MICU1: variants seen among roughly 807,000 people sequenced by gnomAD.
The protein encoded by MICU1 is mitochondrial calcium uptake 1, also known as calcium uptake protein 1, mitochondrial.
Under a neutral mutation model 56.8 loss-of-function variants are expected in MICU1, and 45 were observed. The observed-to-expected ratio is 0.79, with a 90% CI of 0.62 to 1.02. The LOEUF is 1.02. Ranked by LOEUF, MICU1 falls within the 50% of genes least tolerant of loss-of-function variation. The pLI, the probability that MICU1 is intolerant of heterozygous loss-of-function variation, is 0.00. For missense variants in MICU1, 504 were observed against 587.1 expected (o/e 0.86, Z 1.46); for synonymous variants, 186 against 195.1 (o/e 0.95, Z 0.39).
At chr10:72,529,072 A>C (rs552613884) in intron 5 of MICU1, among the ~76,000 whole-genome samples, 1 of 152,300 alleles carries the variant, frequency 6.6e-6, no homozygotes, top group Admixed American at 6.5e-5. Context: ...CTATACTTTT[A>C]TCTCTTTACA....
At chr10:72,446,895 T>C (rs1865122766) in intron 8 of MICU1, among the ~76,000 whole-genome samples, 1 of 152,208 alleles carries the variant, frequency 6.6e-6, no homozygotes, top group South Asian at 2.1e-4. Flanking sequence ...CACTTGCTTC[T>C]GTTAACTTTA....
chr10:72,370,962 T>C (rs1019367805), intron 11 of MICU1, among the ~76,000 whole-genome samples: 1 of 151,824 alleles, frequency 6.6e-6, no homozygotes, highest in Non-Finnish European at 1.5e-5. Context: ...ATCTGGGAGA[T>C]GGAGGTTGCA....
chr10:72,487,945 C>T (rs1866527809), intron 6 of MICU1, among the ~76,000 whole-genome samples: 1 of 152,070 alleles, frequency 6.6e-6, no homozygotes, highest in Admixed American at 6.5e-5. Flanking sequence ...ACCTGTAATC[C>T]TAGCACTTTG....
chr10:72,463,009 T>G (rs1865685094), intron 8 of MICU1, among the ~76,000 whole-genome samples: 1 of 151,990 alleles, frequency 6.6e-6, no homozygotes, highest in South Asian at 2.1e-4. Flanking sequence ...TCATTGACTT[T>G]GGAATTGCAA....
intron 1 of MICU1, among the ~76,000 whole-genome samples, chr10:72,581,416 G>A (rs1042593749): frequency 3.9e-5 from 6 of 152,170 alleles, no homozygotes; most frequent in South Asian, 2.1e-4. Context: ...ATCACTTGAG[G>A]TCAGAAGTTT....
At chr10:72,405,280 C>T (rs780856094) in intron 10 of MICU1, among the ~76,000 whole-genome samples, 2 of 151,780 alleles carry the variant, frequency 1.3e-5, no homozygotes, top group East Asian at 1.9e-4. Flanking sequence ...AGTGCAATGG[C>T]GCAATCTCGG....
At chr10:72,555,693 C>T (rs1194954277) in intron 3 of MICU1, among the ~76,000 whole-genome samples, 1 of 152,162 alleles carries the variant, frequency 6.6e-6, no homozygotes, top group Non-Finnish European at 1.5e-5. Context: ...AAAGGATTAC[C>T]TATCTTTTGA....
chr10:72,401,124 C>G (rs1280562018), intron 10 of MICU1, among the ~76,000 whole-genome samples: 1 of 152,024 alleles, frequency 6.6e-6, no homozygotes, highest in Non-Finnish European at 1.5e-5. Flanking sequence ...TTTAAACAAA[C>G]AGACGCTATT....
At chr10:72,596,563 C>A (rs1036096202) in intron 1 of MICU1, among the ~76,000 whole-genome samples, 1 of 151,924 alleles carries the variant, frequency 6.6e-6, no homozygotes, top group African/African-American at 2.4e-5. Flanking sequence ...AATAAGAATT[C>A]AAAAACAAAC....
intron 4 of MICU1, among the ~76,000 whole-genome samples, chr10:72,542,556 A>G (rs1349372965): frequency 6.6e-6 from 1 of 152,174 alleles, no homozygotes; most frequent in Non-Finnish European, 1.5e-5. Flanking sequence ...TGCCAGCAGG[A>G]GCAAACGCCG....
At chr10:72,478,591 T>G (rs796844301) in intron 6 of MICU1, among the ~76,000 whole-genome samples, 5 of 152,290 alleles carry the variant, frequency 3.3e-5, no homozygotes, top group African/African-American at 1.2e-4. Context: ...AAAAGTAAAA[T>G]GAACTTTGTA....
At chr10:72,403,137 G>C (rs930572516) in intron 10 of MICU1, among the ~76,000 whole-genome samples, 2 of 152,150 alleles carry the variant, frequency 1.3e-5, no homozygotes, top group Admixed American at 6.6e-5. Context: ...CAGCACTTTG[G>C]GAGGCCGAGG....
At chr10:72,509,223 TA>T (rs1222534165) in intron 5 of MICU1, among the ~76,000 whole-genome samples, 7 of 152,202 alleles carry the variant, frequency 4.6e-5, no homozygotes, top group Admixed American at 2.0e-4. Flanking sequence ...ATTTTGAGTA[TA>T]AAAAATAGAT....
At chr10:72,391,782 A>C (rs1234012408) in intron 10 of MICU1, among the ~76,000 whole-genome samples, 2 of 152,244 alleles carry the variant, frequency 1.3e-5, no homozygotes, top group African/African-American at 2.4e-5. Context: ...TAGTGAATAC[A>C]TAAAAAATAT....
chr10:72,526,375 C>G (rs1867962450), intron 5 of MICU1, among the ~76,000 whole-genome samples: 1 of 152,048 alleles, frequency 6.6e-6, no homozygotes, highest in South Asian at 2.1e-4. Flanking sequence ...TGGCTCACTG[C>G]ACCTCCGCCT....
At chr10:72,477,467 G>A (rs771113134) in intron 6 of MICU1, 11 of 1,508,338 alleles carry the variant, frequency 7.3e-6, no homozygotes, top group East Asian at 2.5e-5. Flanking sequence ...GTAGTACTAC[G>A]GCCAGTAAAG....
intron 6 of MICU1, among the ~76,000 whole-genome samples, chr10:72,505,140 A>C (rs1319631252): frequency 1.3e-5 from 2 of 151,618 alleles, no homozygotes; most frequent in African/African-American, 2.4e-5. Flanking sequence ...CACCTGGCTA[A>C]TTTTTGTATT....
At chr10:72,382,498 G>A (rs777256789) in intron 10 of MICU1, among the ~76,000 whole-genome samples, 2 of 152,178 alleles carry the variant, frequency 1.3e-5, no homozygotes, top group East Asian at 3.9e-4. Context: ...TTTGAATACA[G>A]TATTAAAAGC....
At chr10:72,576,836 A>G (rs1840759983) in intron 1 of MICU1, among the ~76,000 whole-genome samples, 1 of 152,222 alleles carries the variant, frequency 6.6e-6, no homozygotes. Context: ...TTTAAGTTGA[A>G]GGCAACGCTC....
Sources: gnomAD v4.1 joint callset for allele counts (sites outside exome capture counted in the v4.1 genomes callset) on GRCh38, gnomAD v4.1.1 for gene constraint, MANE v1.5 for transcripts, NCBI Gene and HGNC (gene_info 2026-07-23, HGNC 2026-07-21) for gene names.